The following EP300 variants were observed in gnomAD, a reference collection of about 807,000 sequenced individuals.
EP300 encodes the protein histone acetyltransferase p300.
Under a neutral mutation model 264.0 loss-of-function variants are expected in EP300, and 31 were observed. That is an observed-to-expected ratio of 0.12 (90% CI 0.09 to 0.16). The LOEUF (loss-of-function observed/expected upper bound fraction) is 0.16, where lower values mean the gene tolerates loss of function less well. Ranked by LOEUF, EP300 falls within the 10% of genes least tolerant of loss-of-function variation. The pLI, the probability that EP300 is intolerant of heterozygous loss-of-function variation, is 1.00. For missense variants in EP300, 2,766 were observed against 3,052.9 expected (o/e 0.91, Z 2.21); for synonymous variants, 1,340 against 1,045.4 (o/e 1.28, Z -5.44).
At chr22:41,149,718 T>A in intron 13 of EP300, 43 bp from the exon 14 acceptor site, 1 of 1,595,580 alleles carries the variant, frequency 6.3e-7, no homozygotes. Context: ...TTTCCTTAAT[T>A]CTGTTCTGAA....
chr22:41,137,582 G>T, intron 7 of EP300, 71 bp from the exon 8 acceptor site: 1 of 1,591,166 alleles, frequency 6.3e-7, no homozygotes, highest in Non-Finnish European at 8.6e-7. Context: ...AATAATCAGT[G>T]TCAGCTTGAA....
At chr22:41,117,161 C>A (rs774726110) in intron 1 of EP300, 26 bp from the exon 2 acceptor site, 2 of 1,607,098 alleles carry the variant, frequency 1.2e-6, no homozygotes, top group Non-Finnish European at 1.7e-6. Flanking sequence ...CATACTTTGA[C>A]CTTTGTCTTT....
chr22:41,157,441 T>C (rs370941719), intron 18 of EP300, 33 bp downstream of exon 18: 122 of 1,610,868 alleles, frequency 7.6e-5, no homozygotes, highest in Non-Finnish European at 9.2e-5. Context: ...GACTTTAACT[T>C]TTCTGGGATA....
chr22:41,134,414 T>G (rs1344013556), intron 6 of EP300, among the ~76,000 whole-genome samples: 1 of 152,062 alleles, frequency 6.6e-6, no homozygotes, highest in Non-Finnish European at 1.5e-5. Context: ...ATGTGTGTGT[T>G]TGAGACTGGG....
Position 41,146,823 on chromosome 22 carries a change from A to G in EP300, c.2131+7A>G, listed in dbSNP as rs2059013283. 4 of 1,613,318 alleles carry G rather than the reference A, an allele frequency of 2.5e-6. No individual in the cohort carries two copies. Among genetic ancestry groups the G allele is most frequent in the South Asian group, 1.1e-5 (1 of 91,024 alleles). ...CGAATAACTCCACAATCTGGTAAAT[A>G]GTGAAAAAAATTTTTTTATTTTAAA... On this transcript the variant is annotated splice_region_variant and intron_variant, in intron 11 of 30. Transcript: ENST00000263253.
In EP300 at chr22:41,140,124, G is replaced by C. The variant is rs745888999; in HGVS notation, c.1761-16G>C. The C allele has an allele frequency of 6.4e-7, 1 of 1,554,774 alleles. No homozygotes were observed. Among genetic ancestry groups the C allele is most frequent in the Non-Finnish European group, 8.9e-7 (1 of 1,126,116 alleles). The stretch of plus-strand genomic sequence containing the variant: ...TGCTGACATGATATTACAGTGGTAG[G>C]ATTTTCTTTTTCCAGCGTCCAAGCC... On this transcript the variant is annotated splice_polypyrimidine_tract_variant and intron_variant, in intron 8 of 30. Coordinates refer to ENST00000263253, the MANE Select transcript of EP300 (RefSeq NM_001429.4).
intron 13 of EP300, among the ~76,000 whole-genome samples, chr22:41,149,487 G>T (rs1732961918): frequency 6.6e-6 from 1 of 152,092 alleles, no homozygotes; most frequent in South Asian, 2.1e-4. Context: ...GCATAGGCAG[G>T]CCCTAGAGCA....
chr22:41,156,489 G>A (rs2059078142), intron 17 of EP300, among the ~76,000 whole-genome samples: 1 of 152,182 alleles, frequency 6.6e-6, no homozygotes, highest in South Asian at 2.1e-4. Context: ...TGGAGGCCAA[G>A]GCAGGCAGAT....
intron 1 of EP300, among the ~76,000 whole-genome samples, chr22:41,114,422 C>G (rs1333084383): frequency 6.6e-6 from 1 of 152,182 alleles, no homozygotes; most frequent in Non-Finnish European, 1.5e-5. Context: ...AGCCGTCTGC[C>G]CTCCTTGGCC....
intron 6 of EP300, 65 bp downstream of exon 6, chr22:41,131,698 G>A: frequency 6.2e-7 from 1 of 1,608,450 alleles, no homozygotes; most frequent in Non-Finnish European, 8.5e-7. Flanking sequence ...TATAAACACA[G>A]TGTTGTTAGC....
intron 2 of EP300, among the ~76,000 whole-genome samples, chr22:41,123,333 C>CT (rs1302415062): frequency 2.0e-5 from 3 of 152,128 alleles, no homozygotes; most frequent in African/African-American, 7.2e-5. Context: ...TACTTTCAGA[C>CT]TTTAAGAAAT....
In EP300 at chr22:41,179,876, C is replaced by CCCCCCACA. The variant is rs1266790744; in HGVS notation, c.*921_*922insCCCCACAC. The CCCCCCACA allele has an allele frequency of 4.6e-5, 6 of 131,170 alleles. No individual in the cohort carries two copies. Among genetic ancestry groups the CCCCCCACA allele is most frequent in the African/African-American group, 2.1e-4 (6 of 27,928 alleles). The allele number at this position is 131,170 out of a possible 1,614,324, so 8.1% of individuals were successfully genotyped here. ...GCTTTCTTCCTCCTTACCCTACCCC[C>CCCCCCACA]CACTCACACACACACACACACACAC... On this transcript the variant is annotated 3_prime_UTR_variant, in exon 31 of 31. Transcript: ENST00000263253.
intron 25 of EP300, 147 bp downstream of exon 25, chr22:41,169,014 C>T: frequency 8.4e-7 from 1 of 1,191,524 alleles, no homozygotes; most frequent in Non-Finnish European, 1.2e-6. Flanking sequence ...TAAAGTGAAA[C>T]AGATTAAAAA....
chr22:41,107,451 G>A (rs2058764088), intron 1 of EP300, among the ~76,000 whole-genome samples: 1 of 151,300 alleles, frequency 6.6e-6, no homozygotes, highest in Non-Finnish European at 1.5e-5. Context: ...AACTGTGAGA[G>A]ATACTAATAT....
intron 1 of EP300, among the ~76,000 whole-genome samples, chr22:41,103,350 G>A (rs901473991): frequency 6.6e-6 from 1 of 152,128 alleles, no homozygotes; most frequent in Non-Finnish European, 1.5e-5. Context: ...CCAAGTCTTA[G>A]GTATTTGCAA....
chr22:41,125,784 T>C (rs897996008), intron 2 of EP300, 80 bp from the exon 3 acceptor site: 82 of 1,452,430 alleles, frequency 5.6e-5, no homozygotes, highest in Middle Eastern at 1.7e-4. Flanking sequence ...CTTTGTGAAC[T>C]TGGAAGTGAA....
At chr22:41,125,753 G>A in intron 2 of EP300, 111 bp from the exon 3 acceptor site, 2 of 1,195,868 alleles carry the variant, frequency 1.7e-6, no homozygotes, top group East Asian at 2.5e-5. Flanking sequence ...AATAGAAGCT[G>A]AGAATTTCCT....
intron 1 of EP300, among the ~76,000 whole-genome samples, chr22:41,096,213 C>T (rs985783877): frequency 2.6e-5 from 4 of 151,718 alleles, no homozygotes; most frequent in Non-Finnish European, 4.4e-5. Context: ...GTAAAAATGA[C>T]CAAAAGACTG....
chr22:41,105,931 C>T (rs2058756101), intron 1 of EP300, among the ~76,000 whole-genome samples: 2 of 152,096 alleles, frequency 1.3e-5, no homozygotes, highest in African/African-American at 4.8e-5. Context: ...ACAAGTTTTC[C>T]TAATTTTTTT....
Sources: allele counts gnomAD v4.1 joint callset (sites outside exome capture counted in the v4.1 genomes callset), GRCh38; gene constraint gnomAD v4.1.1; transcripts MANE v1.5; gene names NCBI Gene and HGNC (gene_info 2026-07-23, HGNC 2026-07-21).